SGCZ: variants seen among roughly 807,000 people sequenced by gnomAD.
SGCZ encodes zeta-sarcoglycan.
SGCZ carries 40 observed loss-of-function variants against 41.3 expected under a neutral mutation model. The observed-to-expected ratio is 0.97, with a 90% CI of 0.75 to 1.26. SGCZ has a LOEUF of 1.26. SGCZ is among the 50% of genes most tolerant of loss of function. The pLI, the probability that SGCZ is intolerant of heterozygous loss-of-function variation, is 0.00. For missense variants in SGCZ, 552 were observed against 369.8 expected, an observed-to-expected ratio of 1.49 and a Z score of -4.04; for synonymous variants, 206 against 137.5, an observed-to-expected ratio of 1.50 and a Z score of -3.49.
At chr8:14,385,592 T>C (rs960010295) in intron 2 of SGCZ, among the ~76,000 whole-genome samples, 16 of 152,182 alleles carry the variant, frequency 1.1e-4, no homozygotes, top group African/African-American at 3.9e-4. Context: ...GGCTAAGTCA[T>C]TCTGACTTTG....
intron 1 of SGCZ, among the ~76,000 whole-genome samples, chr8:15,216,825 G>C (rs1801418874): frequency 6.6e-6 from 1 of 152,040 alleles, no homozygotes; most frequent in Non-Finnish European, 1.5e-5. Context: ...CTAGAATTAG[G>C]AGAGAATAAA....
At chr8:14,854,952 C>A (rs1298498147) in intron 1 of SGCZ, among the ~76,000 whole-genome samples, 1 of 151,456 alleles carries the variant, frequency 6.6e-6, no homozygotes, top group African/African-American at 2.4e-5. Flanking sequence ...ATGCTATGGC[C>A]TCTCTTGGGA....
intron 1 of SGCZ, among the ~76,000 whole-genome samples, chr8:15,135,226 C>G (rs976012510): frequency 6.6e-6 from 1 of 152,110 alleles, no homozygotes. Flanking sequence ...ATGTATTCCC[C>G]TAAAGGCAAA....
Position 14,246,638 on chromosome 8 carries a change from C to A in SGCZ, c.337-8959G>T, listed in dbSNP as rs113915687. Among the ~76,000 whole-genome samples, 939 of 151,164 alleles carry A rather than the reference C, an allele frequency of 6.2e-3. 8 individuals are homozygous for A. Among genetic ancestry groups the A allele is most frequent in the African/African-American group, 0.022 (898 of 41,258 alleles). ...AATAAAAAGTAAAAGCTGGGCATGG[C>A]GGCTGAAGCCTGTAATCCCAGCACT... On this transcript the variant is annotated intron_variant, in intron 3 of 7. Coordinates refer to ENST00000382080, the MANE Select transcript of SGCZ (RefSeq NM_139167.4).
intron 1 of SGCZ, among the ~76,000 whole-genome samples, chr8:15,112,621 C>G (rs1264435120): frequency 6.6e-6 from 1 of 152,188 alleles, no homozygotes. Flanking sequence ...CTTCTCATCA[C>G]TTGTGATGCT....
At chr8:14,160,959 A>G (rs1419520416) in intron 5 of SGCZ, among the ~76,000 whole-genome samples, 2 of 152,220 alleles carry the variant, frequency 1.3e-5, no homozygotes, top group African/African-American at 4.8e-5. Flanking sequence ...ATAAAGCTGC[A>G]AGGCATCCAT....
chr8:15,192,247 G>A (rs1800566510), intron 1 of SGCZ, among the ~76,000 whole-genome samples: 1 of 151,910 alleles, frequency 6.6e-6, no homozygotes, highest in African/African-American at 2.4e-5. Context: ...CCTTTCAACA[G>A]CCCAAATCCC....
At chr8:14,737,650 C>T (rs185714003) in intron 1 of SGCZ, among the ~76,000 whole-genome samples, 11 of 152,056 alleles carry the variant, frequency 7.2e-5, no homozygotes, top group African/African-American at 2.7e-4. Flanking sequence ...CTCTCCTTGG[C>T]TTGTTTGCAG....
At chr8:14,501,064 T>C (rs1175602866) in intron 2 of SGCZ, among the ~76,000 whole-genome samples, 1 of 152,056 alleles carries the variant, frequency 6.6e-6, no homozygotes, top group African/African-American at 2.4e-5. Context: ...AAAATCAAGC[T>C]GTTAGTAGGG....
At chr8:14,552,029 T>G (rs973926816) in intron 2 of SGCZ, among the ~76,000 whole-genome samples, 2 of 151,970 alleles carry the variant, frequency 1.3e-5, no homozygotes, top group Admixed American at 6.6e-5. Context: ...ACAATAGTTA[T>G]AATGAAAGTG....
intron 1 of SGCZ, among the ~76,000 whole-genome samples, chr8:14,565,384 C>G (rs1441295327): frequency 1.3e-5 from 2 of 151,786 alleles, no homozygotes; most frequent in Non-Finnish European, 2.9e-5. Flanking sequence ...ATTTCATTCT[C>G]AGAGCTTTTC....
intron 5 of SGCZ, among the ~76,000 whole-genome samples, chr8:14,136,112 A>G (rs919377288): frequency 6.6e-6 from 1 of 152,204 alleles, no homozygotes. Context: ...AGCAATAGAT[A>G]AAAAGCACTA....
At chr8:14,383,131 G>C (rs1380062402) in intron 2 of SGCZ, among the ~76,000 whole-genome samples, 1 of 152,124 alleles carries the variant, frequency 6.6e-6, no homozygotes, top group Non-Finnish European at 1.5e-5. Flanking sequence ...CAAATACAAA[G>C]TCTGCAGTAG....
At chr8:14,496,566 C>T (rs1159675006) in intron 2 of SGCZ, among the ~76,000 whole-genome samples, 1 of 152,130 alleles carries the variant, frequency 6.6e-6, no homozygotes, top group Admixed American at 6.5e-5. Context: ...ACAAGAAACT[C>T]TATGCTAAAG....
chr8:14,440,027 A>G (rs1169138541), intron 2 of SGCZ, among the ~76,000 whole-genome samples: 1 of 152,074 alleles, frequency 6.6e-6, no homozygotes, highest in East Asian at 1.9e-4. Flanking sequence ...CATAAATTTA[A>G]CCTTAAAAAC....
At chr8:14,109,084 C>G (rs768418157) in intron 5 of SGCZ, among the ~76,000 whole-genome samples, 3 of 152,132 alleles carry the variant, frequency 2.0e-5, no homozygotes, top group Admixed American at 6.5e-5. Flanking sequence ...ATTACAGTAA[C>G]CACGAAAAGC....
intron 1 of SGCZ, among the ~76,000 whole-genome samples, chr8:14,700,715 T>C (rs1473844672): frequency 6.6e-6 from 1 of 152,028 alleles, no homozygotes; most frequent in Admixed American, 6.6e-5. Context: ...AACTACAAAA[T>C]ACATAACATT....
At chr8:14,983,342 C>T (rs1209341672) in intron 1 of SGCZ, among the ~76,000 whole-genome samples, 1 of 151,826 alleles carries the variant, frequency 6.6e-6, no homozygotes, top group Non-Finnish European at 1.5e-5. Context: ...CGGCAATTGG[C>T]ACACACCACC....
chr8:14,527,501 C>T (rs1802989622), intron 2 of SGCZ, among the ~76,000 whole-genome samples: 4 of 152,150 alleles, frequency 2.6e-5, no homozygotes, highest in Admixed American at 2.6e-4. Flanking sequence ...GACAAGTTCT[C>T]ACTATTTTGC....
Sources: allele counts gnomAD v4.1 joint callset (sites outside exome capture counted in the v4.1 genomes callset), GRCh38; gene constraint gnomAD v4.1.1; transcripts MANE v1.5; gene names NCBI Gene and HGNC (gene_info 2026-07-23, HGNC 2026-07-21).